Variants in RASD2 observed in about 807,000 individuals in gnomAD.
RASD2 encodes the protein RASD family member 2, also known as GTP-binding protein Rhes.
RASD2 carries 7 observed loss-of-function variants against 15.8 expected under a neutral mutation model. The observed-to-expected ratio is 0.44, with a 90% CI of 0.25 to 0.83. RASD2 has a LOEUF of 0.83. Among genes scored for constraint, RASD2 ranks in the 40% least tolerant of loss-of-function variants. The pLI is 0.20. For missense variants in RASD2, 274 were observed against 382.8 expected, an observed-to-expected ratio of 0.72 and a Z score of 2.37; for synonymous variants, 155 against 153.6, an observed-to-expected ratio of 1.01 and a Z score of -0.07.
At chr22:35,542,128 G>T (rs1171048664) in intron 1 of RASD2, among the ~76,000 whole-genome samples, 3 of 152,156 alleles carry the variant, frequency 2.0e-5, no homozygotes, top group Non-Finnish European at 4.4e-5. Flanking sequence ...GATGACAGGG[G>T]ATGTTGTCCA....
chr22:35,547,259 C>A (rs554268677), intron 2 of RASD2, among the ~76,000 whole-genome samples, 179 bp downstream of exon 2: 1 of 152,356 alleles, frequency 6.6e-6, no homozygotes, highest in South Asian at 2.1e-4. Flanking sequence ...AAGTCGGGGG[C>A]CCCGATTCCA....
the RASD2 span, among the ~76,000 whole-genome samples, chr22:35,533,596 T>C: frequency 2.3e-4 from 1 of 4,408 alleles, no homozygotes; most frequent in Non-Finnish European, 5.3e-4. Context: ...GTGATGATAA[T>C]GGTGATAATG....
intron 2 of RASD2, among the ~76,000 whole-genome samples, chr22:35,549,947 A>G (rs1934615166): frequency 6.6e-6 from 1 of 152,110 alleles, no homozygotes; most frequent in Non-Finnish European, 1.5e-5. Flanking sequence ...ATCTTGTCAC[A>G]CCACAAGGCT....
chr22:35,540,198 CG>C (rs1168156462), upstream of RASD2, among the ~76,000 whole-genome samples: 11 of 152,216 alleles, frequency 7.2e-5, no homozygotes, highest in Non-Finnish European at 7.4e-5. Flanking sequence ...CTGGAGACCC[CG>C]GCCGAGTGGG....
chr22:35,538,185 T>A (rs1326819198), upstream of RASD2, among the ~76,000 whole-genome samples: 4 of 152,178 alleles, frequency 2.6e-5, no homozygotes, highest in African/African-American at 4.8e-5. Flanking sequence ...TTGGCCAGGC[T>A]GGTCTCAAAC....
intron 1 of RASD2, 21 bp from the exon 2 acceptor site, chr22:35,546,780 G>T (rs1934513572): frequency 1.9e-6 from 3 of 1,607,262 alleles, no homozygotes; most frequent in Non-Finnish European, 2.6e-6. Flanking sequence ...CCTGATGCCT[G>T]CTTCTCTCGC....
At chr22:35,550,871 G>A (rs936383256) in intron 2 of RASD2, among the ~76,000 whole-genome samples, 9 of 152,154 alleles carry the variant, frequency 5.9e-5, no homozygotes. Flanking sequence ...AGAACAACGG[G>A]CCTGGAGCAT....
At chr22:35,540,203 G>T (rs1569099331), upstream of RASD2, among the ~76,000 whole-genome samples, 1 of 150,916 alleles carries the variant, frequency 6.6e-6, no homozygotes, top group Non-Finnish European at 1.5e-5. Context: ...GACCCCGGCC[G>T]AGTGGGCAGG....
At chr22:35,544,094 G>A (rs530579959) in intron 1 of RASD2, among the ~76,000 whole-genome samples, 4 of 152,270 alleles carry the variant, frequency 2.6e-5, no homozygotes, top group South Asian at 4.1e-4. Flanking sequence ...CTATCAACTC[G>A]TCTGTACCAA....
intron 1 of RASD2, 38 bp from the exon 2 acceptor site, chr22:35,546,763 G>T: frequency 1.3e-6 from 2 of 1,595,768 alleles, no homozygotes; most frequent in South Asian, 2.3e-5. Flanking sequence ...GGCCAGGTCG[G>T]GGGGGCCCTG....
intron 2 of RASD2, among the ~76,000 whole-genome samples, chr22:35,547,989 GA>G (rs1022748056): frequency 6.6e-6 from 1 of 152,214 alleles, no homozygotes; most frequent in African/African-American, 2.4e-5. Flanking sequence ...GAAGCCCAGA[GA>G]GGTTAAGTAA....
At chr22:35,537,467 C>T (rs1011013319), upstream of RASD2, among the ~76,000 whole-genome samples, 4 of 152,186 alleles carry the variant, frequency 2.6e-5, no homozygotes, top group Admixed American at 6.5e-5. Flanking sequence ...ACACCGGCTA[C>T]GGAGGAAGTA....
At chr22:35,537,035 G>A (rs918661557), upstream of RASD2, among the ~76,000 whole-genome samples, 2 of 152,162 alleles carry the variant, frequency 1.3e-5, no homozygotes, top group South Asian at 4.1e-4. Context: ...ATTCTAATGC[G>A]CCGCCAGCAT....
At chr22:35,548,929 G>A (rs16995827) in intron 2 of RASD2, among the ~76,000 whole-genome samples, 2,646 of 152,284 alleles carry the variant, frequency 0.017, 75 homozygotes, top group African/African-American at 0.061. Flanking sequence ...CACGTGACGG[G>A]TATTGCATTG....
Position 35,552,950 on chromosome 22 carries a change from G to A in RASD2, c.*918G>A, listed in dbSNP as rs41283199. On this transcript the variant is annotated 3_prime_UTR_variant, in exon 3 of 3. Transcript: ENST00000216127. ...ACGGTTTACAGACAATTGCACAAGCGTGGGGTGGGCAGGCCAGGACTGCTT... is the reference window on the plus strand; with the variant it reads ...ACGGTTTACAGACAATTGCACAAGCATGGGGTGGGCAGGCCAGGACTGCTT... The A allele has an allele frequency of 0.086, 13,126 of 151,940 alleles. 645 individuals are homozygous for A. Among genetic ancestry groups the A allele is most frequent in the Non-Finnish European group, 0.11 (7,711 of 67,928 alleles). 9.4% of individuals were successfully genotyped at this position (151,940 alleles called of 1,614,324 possible). A position where few individuals can be genotyped will look rare whatever the true frequency, so the allele number is the denominator to read the frequency against.
chr22:35,536,678 C>T (rs1035445107), upstream of RASD2, among the ~76,000 whole-genome samples: 3 of 152,188 alleles, frequency 2.0e-5, no homozygotes, highest in Non-Finnish European at 2.9e-5. Context: ...TCTATGGTAT[C>T]GCCAACTTCA....
chr22:35,551,303 T>A lies in RASD2; in HGVS notation c.272-200T>A, dbSNP rs1002012641. On this transcript the variant is annotated intron_variant, in intron 2 of 2. Transcript: ENST00000216127. The surrounding 1 kb of genome is among the most constrained non-coding windows in gnomAD (Gnocchi z 4.9). ...GGGGCTTCAACCCCCTCAGCCTCAGTTTCCTGTCCTGGAAAATAATCGCAG... is the reference window on the plus strand; with the variant it reads ...GGGGCTTCAACCCCCTCAGCCTCAGATTCCTGTCCTGGAAAATAATCGCAG... Among the ~76,000 whole-genome samples, 1 of 152,180 alleles carries A rather than the reference T, an allele frequency of 6.6e-6. No homozygotes were observed. The highest frequency in any genetic ancestry group is 6.5e-5 in the Admixed American group (1 of 15,282).
intron 1 of RASD2, among the ~76,000 whole-genome samples, chr22:35,541,857 CG>C (rs1182860308): frequency 1.3e-5 from 2 of 152,168 alleles, no homozygotes; most frequent in Non-Finnish European, 2.9e-5. Flanking sequence ...TCAGGGAAGA[CG>C]AGTCAACTAC....
At chr22:35,541,960 G>C (rs73883450) in intron 1 of RASD2, among the ~76,000 whole-genome samples, 3,636 of 152,294 alleles carry the variant, frequency 0.024, 155 homozygotes, top group African/African-American at 0.083. Flanking sequence ...TCGTTATCCA[G>C]AGTTCTTGAG....
Sources: allele counts gnomAD v4.1 joint callset (sites outside exome capture counted in the v4.1 genomes callset), GRCh38; gene constraint gnomAD v4.1.1; non-coding constraint Gnocchi (gnomAD v3.1); transcripts MANE v1.5; gene names NCBI Gene and HGNC (gene_info 2026-07-23, HGNC 2026-07-21).